Variants in CAMTA1 observed in about 807,000 individuals in gnomAD.
CAMTA1 encodes the protein calmodulin-binding transcription activator 1.
A neutral mutation model predicts 170.9 loss-of-function variants in CAMTA1; 27 were observed. The ratio of observed to expected loss-of-function variants is 0.16; its 90% CI spans 0.12 to 0.22. The LOEUF (loss-of-function observed/expected upper bound fraction) is 0.22. CAMTA1 is among the 10% of genes least tolerant of loss of function. The pLI is 1.00. For missense variants in CAMTA1, 1,619 were observed against 2,217.2 expected (o/e 0.73, Z 5.42); for synonymous variants, 833 against 891.5 (o/e 0.93, Z 1.17).
At chr1:7,506,627 C>T (rs1214563324) in intron 6 of CAMTA1, among the ~76,000 whole-genome samples, 1 of 151,404 alleles carries the variant, frequency 6.6e-6, no homozygotes, top group Non-Finnish European at 1.5e-5. Context: ...TACTAATGTT[C>T]AACATTCACA....
chr1:7,449,106 G>T (rs952373088), intron 5 of CAMTA1, among the ~76,000 whole-genome samples: 1 of 152,250 alleles, frequency 6.6e-6, no homozygotes, highest in Non-Finnish European at 1.5e-5. Context: ...GTGGCTGGCG[G>T]TTTGCACATT....
chr1:7,764,422 T>C (rs1461739019), intron 22 of CAMTA1, among the ~76,000 whole-genome samples: 2 of 152,240 alleles, frequency 1.3e-5, no homozygotes, highest in Non-Finnish European at 1.5e-5. Flanking sequence ...ATTATAATTC[T>C]TTTTAGTATT....
In CAMTA1 at chr1:7,240,384, A is replaced by G. The variant is rs1016679319; in HGVS notation, c.303-9107A>G. Among the ~76,000 whole-genome samples, 3 of 152,128 alleles carry G rather than the reference A, an allele frequency of 2.0e-5. No homozygotes were observed. The East Asian group carries it at 5.8e-4, about 29-fold the overall frequency. On this transcript the variant is annotated intron_variant, in intron 4 of 22. Coordinates refer to ENST00000303635, the MANE Select transcript of CAMTA1 (RefSeq NM_015215.4). ...CACTAGCATCTTCCAACAATGAGCAATTAGTTTTTTGTTTGTTTGAGGACT... is the reference window on the plus strand; with the variant it reads ...CACTAGCATCTTCCAACAATGAGCAGTTAGTTTTTTGTTTGTTTGAGGACT...
chr1:7,179,423 A>G lies in CAMTA1; in HGVS notation c.303-70068A>G, dbSNP rs187124536. 2.1e-3 allele frequency among the ~76,000 whole-genome samples: 315 copies of G among 152,334 alleles called. 2 individuals are homozygous for G. Among genetic ancestry groups the G allele is most frequent in the African/African-American group, 6.9e-3 (287 of 41,576 alleles). On this transcript the variant is annotated intron_variant, in intron 4 of 22. Transcript: ENST00000303635. ...TATGGAGATATAGATATCTTTATGT[A>G]TACATTTATGCCACAATAATATAGA...
intron 3 of CAMTA1, among the ~76,000 whole-genome samples, chr1:6,931,968 C>G (rs1233148019): frequency 6.6e-6 from 1 of 152,238 alleles, no homozygotes; most frequent in Non-Finnish European, 1.5e-5. Context: ...CCTGTACGCA[C>G]TGGTGCCTCC....
intron 3 of CAMTA1, among the ~76,000 whole-genome samples, chr1:6,854,219 TA>T (rs1286686098): frequency 6.6e-6 from 1 of 152,238 alleles, no homozygotes; most frequent in African/African-American, 2.4e-5. Flanking sequence ...CATAGTGTCA[TA>T]GTGTAACACA....
At chr1:7,398,661 C>G (rs1185977580) in intron 5 of CAMTA1, among the ~76,000 whole-genome samples, 1 of 152,046 alleles carries the variant, frequency 6.6e-6, no homozygotes, top group African/African-American at 2.4e-5. Flanking sequence ...TAGGTAAGGA[C>G]TTACTCCTGC....
intron 4 of CAMTA1, among the ~76,000 whole-genome samples, chr1:7,213,602 T>A (rs1212834491): frequency 1.0e-5 from 1 of 96,954 alleles, no homozygotes; most frequent in Admixed American, 9.9e-5. Flanking sequence ...TTTTTCTTTT[T>A]TTTAAATTTC....
chr1:7,071,332 AT>A (rs1026268682), intron 3 of CAMTA1, among the ~76,000 whole-genome samples: 10 of 152,088 alleles, frequency 6.6e-5, no homozygotes, highest in Non-Finnish European at 1.5e-4. Context: ...ATTTAATTGA[AT>A]TTTTTTTGGT....
At chr1:6,992,194 C>T (rs144682760) in intron 3 of CAMTA1, among the ~76,000 whole-genome samples, 1,886 of 152,222 alleles carry the variant, frequency 0.012, 34 homozygotes, top group African/African-American at 0.044. Context: ...CTCAGCCTCC[C>T]GAATAGCTGG....
intron 4 of CAMTA1, among the ~76,000 whole-genome samples, chr1:7,199,066 C>G (rs1656128052): frequency 6.6e-6 from 1 of 152,222 alleles, no homozygotes; most frequent in South Asian, 2.1e-4. Flanking sequence ...CCCCCCACTT[C>G]TCTCCCCTAA....
chr1:7,382,893 T>C (rs1223548816), intron 5 of CAMTA1, among the ~76,000 whole-genome samples: 1 of 152,038 alleles, frequency 6.6e-6, no homozygotes, highest in Non-Finnish European at 1.5e-5. Context: ...GCCTCAAAGG[T>C]TGAGTCTAGG....
At chr1:7,661,470 G>A (rs565331580) in intron 7 of CAMTA1, among the ~76,000 whole-genome samples, 4 of 152,286 alleles carry the variant, frequency 2.6e-5, no homozygotes, top group Admixed American at 6.5e-5. Context: ...AACTCTATGC[G>A]GTCCACTCCC....
At chr1:7,220,114 A>G (rs1221025574) in intron 4 of CAMTA1, among the ~76,000 whole-genome samples, 3 of 152,204 alleles carry the variant, frequency 2.0e-5, no homozygotes, top group African/African-American at 7.2e-5. Flanking sequence ...TCAGCCAACC[A>G]TATTTTTACA....
chr1:7,635,769 A>G lies in CAMTA1; in HGVS notation c.511-4631A>G, dbSNP rs1338477208. On this transcript the variant is annotated intron_variant, in intron 6 of 22. Transcript: ENST00000303635. The surrounding 1 kb of genome is among the most constrained non-coding windows in gnomAD (Gnocchi z 4.4). Reference sequence around the variant, plus strand: ...AAAGCAGCTCAGCAAGGACTCTGACACCGTTATGAGCACTCCATGAAACTG... The same window carrying G: ...AAAGCAGCTCAGCAAGGACTCTGACGCCGTTATGAGCACTCCATGAAACTG... Among the ~76,000 whole-genome samples, 2 of 152,162 alleles carry G rather than the reference A, an allele frequency of 1.3e-5. No homozygotes were observed. The highest frequency in any genetic ancestry group is 2.4e-5 in the African/African-American group (1 of 41,448).
chr1:7,342,679 G>A (rs2083922717), intron 5 of CAMTA1, among the ~76,000 whole-genome samples: 1 of 152,188 alleles, frequency 6.6e-6, no homozygotes, highest in African/African-American at 2.4e-5. Context: ...TGGAAATAAG[G>A]GGAGAATAGG....
In CAMTA1 at chr1:7,448,727, G is replaced by A. The variant is rs115148968; in HGVS notation, c.439-19103G>A. Among the ~76,000 whole-genome samples, 942 of 152,294 alleles carry A rather than the reference G, an allele frequency of 6.2e-3. 11 individuals carry two copies. The highest frequency in any genetic ancestry group is 0.022 in the African/African-American group (904 of 41,544). The stretch of plus-strand genomic sequence containing the variant: ...TAGAAGAGGCAGGGGTCTCCCTCCA[G>A]CCTCTTTTTATAAGGACACTAATCC... On this transcript the variant is annotated intron_variant, in intron 5 of 22. Coordinates refer to ENST00000303635, the MANE Select transcript of CAMTA1 (RefSeq NM_015215.4).
At chr1:7,707,839 TCTC>T (rs904326117) in intron 11 of CAMTA1, among the ~76,000 whole-genome samples, 11 of 152,212 alleles carry the variant, frequency 7.2e-5, no homozygotes, top group African/African-American at 2.2e-4. Context: ...GTTAGAGTCT[TCTC>T]CTCTTCTTGA....
intron 3 of CAMTA1, among the ~76,000 whole-genome samples, chr1:6,913,658 C>T (rs1680176840): frequency 1.3e-5 from 2 of 152,012 alleles, no homozygotes; most frequent in African/African-American, 4.8e-5. Flanking sequence ...TTTGATTCAG[C>T]ACAAACTGTG....
Sources: gnomAD v4.1 joint callset for allele counts (sites outside exome capture counted in the v4.1 genomes callset) on GRCh38, gnomAD v4.1.1 for gene constraint, Gnocchi (gnomAD v3.1) non-coding constraint, MANE v1.5 for transcripts, NCBI Gene and HGNC (gene_info 2026-07-23, HGNC 2026-07-21) for gene names.